SGCD: variants seen among roughly 807,000 people sequenced by gnomAD.
The protein encoded by SGCD is delta-sarcoglycan.
In SGCD, 18 loss-of-function variants were observed where a neutral mutation model predicts 36.6. That is an observed-to-expected ratio of 0.49 (90% CI 0.34 to 0.73). SGCD has a LOEUF of 0.73. Among genes scored for constraint, SGCD ranks in the 30% least tolerant of loss-of-function variants. The pLI, the probability that SGCD is intolerant of heterozygous loss-of-function variation, is 0.01. For missense variants in SGCD, 387 were observed against 346.7 expected (o/e 1.12, Z -0.92); for synonymous variants, 133 against 130.6 (o/e 1.02, Z -0.12).
chr5:156,197,430 C>G (rs1206548297), intron 3 of SGCD, among the ~76,000 whole-genome samples: 1 of 150,018 alleles, frequency 6.7e-6, no homozygotes, highest in East Asian at 2.0e-4. Context: ...CTCCTTCCCA[C>G]ATATTAAATC....
At chr5:156,238,379 C>A (rs1321679033) in intron 3 of SGCD, among the ~76,000 whole-genome samples, 1 of 152,156 alleles carries the variant, frequency 6.6e-6, no homozygotes, top group Non-Finnish European at 1.5e-5. Context: ...GAGTGGGCAT[C>A]CACCCTCCAG....
At chr5:155,762,178 C>A in the SGCD span, among the ~76,000 whole-genome samples, 6 of 152,118 alleles carry the variant, frequency 3.9e-5, no homozygotes, top group Non-Finnish European at 2.9e-5. Context: ...CCCCACCCAC[C>A]CTTTCCCAGG....
chr5:155,861,274 A>G, the SGCD span, among the ~76,000 whole-genome samples: 2 of 152,160 alleles, frequency 1.3e-5, no homozygotes, highest in African/African-American at 2.4e-5. Flanking sequence ...TTTTGGGGCC[A>G]AAGACCCCTC....
intron 3 of SGCD, among the ~76,000 whole-genome samples, chr5:156,172,181 G>A (rs993792497): frequency 6.6e-6 from 1 of 152,200 alleles, no homozygotes; most frequent in Non-Finnish European, 1.5e-5. Context: ...CTACTCCGGA[G>A]GCTGAGGCAG....
intron 6 of SGCD, among the ~76,000 whole-genome samples, chr5:156,638,728 T>G (rs1762922738): frequency 6.6e-6 from 1 of 152,212 alleles, no homozygotes. Context: ...AGTTTTGGCT[T>G]AATGATACAC....
chr5:156,405,958 G>A (rs182234349), intron 3 of SGCD, among the ~76,000 whole-genome samples: 8 of 140,864 alleles, frequency 5.7e-5, no homozygotes, highest in Admixed American at 1.5e-4. Flanking sequence ...CACGCCTCTT[G>A]GATTTTGTAT....
chr5:156,266,833 CA>C (rs1291466325), intron 3 of SGCD, among the ~76,000 whole-genome samples: 6 of 148,200 alleles, frequency 4.0e-5, no homozygotes, highest in Non-Finnish European at 7.4e-5. Flanking sequence ...ATTAAGATGA[CA>C]GAGAAAAAAT....
At chr5:156,391,225 G>A (rs930026931) in intron 3 of SGCD, among the ~76,000 whole-genome samples, 14 of 152,126 alleles carry the variant, frequency 9.2e-5, no homozygotes, top group Admixed American at 7.2e-4. Flanking sequence ...GTACAGTAAC[G>A]TGCTATACAC....
the SGCD span, among the ~76,000 whole-genome samples, chr5:155,827,689 T>C: frequency 7.1e-6 from 1 of 140,974 alleles, no homozygotes; most frequent in African/African-American, 2.7e-5. Context: ...TTTTTTTTTT[T>C]TTTTTTGAGA....
intron 1 of SGCD, among the ~76,000 whole-genome samples, chr5:156,028,869 T>A (rs1759280611): frequency 6.6e-6 from 1 of 152,208 alleles, no homozygotes; most frequent in Non-Finnish European, 1.5e-5. Context: ...AAGAAAGATT[T>A]TTAATGTTAA....
At chr5:156,612,446 T>G (rs1051683282) in intron 6 of SGCD, among the ~76,000 whole-genome samples, 3 of 152,236 alleles carry the variant, frequency 2.0e-5, no homozygotes, top group African/African-American at 7.2e-5. Context: ...GTGGTTGGGC[T>G]TGGTGCATTT....
intron 3 of SGCD, among the ~76,000 whole-genome samples, chr5:156,360,895 C>T (rs920903657): frequency 7.9e-5 from 12 of 152,138 alleles, no homozygotes; most frequent in Admixed American, 6.5e-4. Flanking sequence ...GCTTGGCGCC[C>T]ACCAAGAGTA....
Position 156,136,033 on chromosome 5 carries a change from C to T in SGCD, c.-44+12014C>T, listed in dbSNP as rs1037946529. Among the ~76,000 whole-genome samples, 5 of 152,130 alleles carry T rather than the reference C, an allele frequency of 3.3e-5. No homozygotes were observed. In the East Asian group the frequency reaches 5.8e-4, roughly 18 times the overall value. On this transcript the variant is annotated intron_variant, in intron 3 of 9. Transcript: ENST00000517913. ...AGGTGGTAAAAACTCCCTCACAAAT[C>T]GAAATACAGTCTGTTTATCTAGTTA...
chr5:156,334,769 G>C (rs1480400106), intron 2 of SGCD, among the ~76,000 whole-genome samples: 3 of 151,954 alleles, frequency 2.0e-5, no homozygotes, highest in African/African-American at 4.8e-5. Context: ...AGAGCTCTTT[G>C]TTGTTGCTCA....
At chr5:155,919,583 A>G (rs1473120893) in intron 1 of SGCD, among the ~76,000 whole-genome samples, 4 of 152,212 alleles carry the variant, frequency 2.6e-5, no homozygotes, top group Non-Finnish European at 5.9e-5. Flanking sequence ...AAATGCGGCT[A>G]TATTTTAAAA....
chr5:156,305,515 G>T (rs1767181345), intron 3 of SGCD, among the ~76,000 whole-genome samples: 1 of 152,168 alleles, frequency 6.6e-6, no homozygotes, highest in South Asian at 2.1e-4. Context: ...ACACAAGTGT[G>T]CTGCAGGAGT....
intron 3 of SGCD, among the ~76,000 whole-genome samples, chr5:156,475,149 TG>T (rs1755125702): frequency 6.6e-6 from 1 of 152,242 alleles, no homozygotes; most frequent in South Asian, 2.1e-4. Context: ...AACAGTATGT[TG>T]GCACAAACTA....
At chr5:156,496,190 A>G (rs540839484) in intron 3 of SGCD, among the ~76,000 whole-genome samples, 3 of 152,260 alleles carry the variant, frequency 2.0e-5, no homozygotes, top group Admixed American at 2.0e-4. Flanking sequence ...TCTTCTGTCC[A>G]ACTACCTATT....
In SGCD at chr5:156,410,559, T is replaced by C. The variant is rs568442795; in HGVS notation, c.192+65882T>C. Among the ~76,000 whole-genome samples the C allele has an allele frequency of 9.2e-4, 140 of 152,338 alleles. 1 individual carries two copies. The highest frequency in any genetic ancestry group is 3.3e-3 in the African/African-American group (136 of 41,578). ...TATTTTTTTAAAGTTACAGCTACCA[T>C]GCAGAGCTGGTGTAGGAATTAAAAC... is the stretch of plus-strand genomic sequence containing the variant. On this transcript the variant is annotated intron_variant, in intron 3 of 8. Transcript: ENST00000337851.
Sources: gnomAD v4.1 joint callset for allele counts (sites outside exome capture counted in the v4.1 genomes callset) on GRCh38, gnomAD v4.1.1 for gene constraint, MANE v1.5 for transcripts, NCBI Gene and HGNC (gene_info 2026-07-23, HGNC 2026-07-21) for gene names.